The following FBXW7 variants were observed in gnomAD, a reference collection of about 807,000 sequenced individuals.
FBXW7 encodes F-box and WD repeat domain containing 7.
FBXW7 carries 11 observed loss-of-function variants against 86.3 expected under a neutral mutation model. The observed-to-expected ratio is 0.13, with a 90% CI of 0.08 to 0.21. FBXW7 has a LOEUF of 0.21. FBXW7 is among the 10% of genes least tolerant of loss of function. FBXW7 has a pLI of 1.00. For synonymous variants in FBXW7, 313 were observed against 297.9 expected (o/e 1.05, Z -0.52); for missense variants, 488 against 847.4 (o/e 0.58, Z 5.27).
chr4:152,397,470 T>G (rs1293124822), intron 4 of FBXW7, among the ~76,000 whole-genome samples: 2 of 151,820 alleles, frequency 1.3e-5, no homozygotes, highest in Non-Finnish European at 2.9e-5. Context: ...GCTAGAGTAC[T>G]GTAGTACTAT....
intron 6 of FBXW7, 47 bp downstream of exon 6, chr4:152,346,883 G>A (rs137904036): frequency 1.2e-6 from 2 of 1,604,602 alleles, no homozygotes; most frequent in African/African-American, 1.3e-5. Context: ...CCCTTATTTT[G>A]CAGCAATTAA....
chr4:152,438,573 G>C (rs77855497), intron 2 of FBXW7, among the ~76,000 whole-genome samples: 4 of 152,148 alleles, frequency 2.6e-5, no homozygotes, highest in Non-Finnish European at 5.9e-5. Context: ...TACTCAGGAG[G>C]CTGAGGAACG....
In FBXW7 at chr4:152,535,817, A is replaced by AGGCTCGGGCTCC. The variant is rs1221108905; in HGVS notation, c.-915_-904dup. On this transcript the variant is annotated 5_prime_UTR_variant, in exon 1 of 14. Transcript: ENST00000281708. ...CCCCCCAAGCCGCCGGCTCCGGCTC[A>AGGCTCGGGCTCC]GGCTCGGGCTCCGGCTCTGGCTCCG... 4.6e-5 allele frequency: 18 copies of AGGCTCGGGCTCC among 390,116 alleles called. No individual in the cohort carries two copies. In the South Asian group the frequency reaches 6.9e-4, roughly 15 times the overall value. 24.2% of individuals were successfully genotyped at this position (390,116 alleles called of 1,614,324 possible).
chr4:152,337,263 G>A (rs948961681), intron 7 of FBXW7, among the ~76,000 whole-genome samples: 30 of 151,802 alleles, frequency 2.0e-4, no homozygotes, highest in African/African-American at 7.2e-4. Context: ...AGATGGGGAG[G>A]AGAATGATTA....
At chr4:152,525,765 G>A (rs986535674) in intron 2 of FBXW7, among the ~76,000 whole-genome samples, 12 of 152,150 alleles carry the variant, frequency 7.9e-5, no homozygotes, top group Admixed American at 3.3e-4. Context: ...AGGAACACGC[G>A]TGTGCATGTG....
chr4:152,453,730 G>A (rs1300536199), intron 2 of FBXW7, among the ~76,000 whole-genome samples: 1 of 152,026 alleles, frequency 6.6e-6, no homozygotes, highest in Non-Finnish European at 1.5e-5. Flanking sequence ...AAAGAGTGGT[G>A]GCAGCAAAAA....
chr4:152,466,110 T>C (rs190174614), intron 2 of FBXW7, among the ~76,000 whole-genome samples: 4 of 152,348 alleles, frequency 2.6e-5, no homozygotes, highest in Admixed American at 2.6e-4. Flanking sequence ...AGCTAATGCT[T>C]TGAAGACAAG....
intron 4 of FBXW7, among the ~76,000 whole-genome samples, chr4:152,383,549 T>TC (rs1735274829): frequency 6.6e-6 from 1 of 152,172 alleles, no homozygotes; most frequent in African/African-American, 2.4e-5. Flanking sequence ...CTCAATCAAC[T>TC]ATTCTCTCTT....
chr4:152,394,610 T>A (rs1042515788), intron 4 of FBXW7, among the ~76,000 whole-genome samples: 23 of 152,252 alleles, frequency 1.5e-4, no homozygotes, highest in African/African-American at 5.3e-4. Context: ...TAAAAATATT[T>A]CGCATAGCAT....
At chr4:152,323,315 G>T in intron 13 of FBXW7, 166 bp from the exon 14 acceptor site, 1 of 821,374 alleles carries the variant, frequency 1.2e-6, no homozygotes, top group Non-Finnish European at 1.8e-6. Context: ...CAGCATGGAT[G>T]TAAGAAAATC....
intron 4 of FBXW7, among the ~76,000 whole-genome samples, chr4:152,368,494 G>T (rs1733701545): frequency 1.3e-5 from 2 of 151,874 alleles, no homozygotes; most frequent in Admixed American, 1.3e-4. Flanking sequence ...ACTAAAGAAA[G>T]GTCTAATTTT....
intron 2 of FBXW7, among the ~76,000 whole-genome samples, chr4:152,524,192 A>G (rs560600039): frequency 3.4e-4 from 51 of 152,230 alleles, no homozygotes; most frequent in Non-Finnish European, 5.4e-4. Flanking sequence ...TTATCATCCC[A>G]GTTTTAAAAG....
intron 4 of FBXW7, chr4:152,382,188 C>A (rs1356658388): frequency 6.5e-7 from 1 of 1,548,244 alleles, no homozygotes; most frequent in Admixed American, 1.9e-5. Context: ...GTGAGACTTA[C>A]CCGTCTTCGA....
intron 4 of FBXW7, among the ~76,000 whole-genome samples, chr4:152,397,081 C>G (rs956127202): frequency 1.2e-4 from 18 of 152,076 alleles, no homozygotes; most frequent in African/African-American, 3.6e-4. Flanking sequence ...TTCCTTCTTT[C>G]TCTTTCACAT....
chr4:152,363,795 C>G (rs948424379), intron 4 of FBXW7, among the ~76,000 whole-genome samples: 1 of 152,076 alleles, frequency 6.6e-6, no homozygotes, highest in Admixed American at 6.6e-5. Flanking sequence ...ATTATTATCT[C>G]TATTTTACAG....
At chr4:152,471,967 T>C (rs1364305744) in intron 2 of FBXW7, among the ~76,000 whole-genome samples, 2 of 151,920 alleles carry the variant, frequency 1.3e-5, no homozygotes. Flanking sequence ...GGAGAAAATA[T>C]CAGCAATGCA....
chr4:152,354,061 A>G (rs1415918434), intron 4 of FBXW7, among the ~76,000 whole-genome samples: 1 of 152,204 alleles, frequency 6.6e-6, no homozygotes. Context: ...TGCATAAAGT[A>G]GTATCATAAT....
chr4:152,354,615 T>G (rs1732190114), intron 4 of FBXW7, among the ~76,000 whole-genome samples: 1 of 152,136 alleles, frequency 6.6e-6, no homozygotes, highest in Admixed American at 6.5e-5. Context: ...TCTACTCAGT[T>G]AAGAAGAGAC....
At chr4:152,445,906 T>C (rs896076804) in intron 2 of FBXW7, among the ~76,000 whole-genome samples, 3 of 112,870 alleles carry the variant, frequency 2.7e-5, no homozygotes, top group South Asian at 6.0e-4. Context: ...CAAGACTCTG[T>C]CTTTAAAAAA....
Sources: gnomAD v4.1 joint callset for allele counts (sites outside exome capture counted in the v4.1 genomes callset) on GRCh38, gnomAD v4.1.1 for gene constraint, MANE v1.5 for transcripts, NCBI Gene and HGNC (gene_info 2026-07-23, HGNC 2026-07-21) for gene names.